The following TGFBR3 variants were observed in gnomAD, a reference collection of about 807,000 sequenced individuals.
TGFBR3 encodes transforming growth factor beta receptor type 3.
A neutral mutation model predicts 87.9 loss-of-function variants in TGFBR3; 46 were observed. That is an observed-to-expected ratio of 0.52 (90% CI 0.41 to 0.67). The LOEUF (loss-of-function observed/expected upper bound fraction) is 0.67, where lower values mean the gene tolerates loss of function less well. Among genes scored for constraint, TGFBR3 ranks in the 30% least tolerant of loss-of-function variants. The probability of loss-of-function intolerance (pLI) is 0.00; values close to 1 mark genes in which losing one functional copy is unlikely to be tolerated. For missense variants in TGFBR3, 866 were observed against 1,041.9 expected (o/e 0.83, Z 2.32); for synonymous variants, 381 against 391.6 (o/e 0.97, Z 0.32).
intron 7 of TGFBR3, among the ~76,000 whole-genome samples, chr1:91,726,230 G>C (rs1432008961): frequency 3.3e-5 from 5 of 152,136 alleles, no homozygotes; most frequent in Non-Finnish European, 7.4e-5. Flanking sequence ...GAAGGGTCAA[G>C]GCTGAAAGAA....
chr1:91,901,899 G>GAGCAACAA (rs747532513), intron 1 of TGFBR3, among the ~76,000 whole-genome samples: 17 of 147,270 alleles, frequency 1.2e-4, no homozygotes, highest in Non-Finnish European at 2.4e-4. Flanking sequence ...CTGGGCAACA[G>GAGCAACAA]AGCAACAAAG....
chr1:91,900,994 G>A (rs1679704611), intron 1 of TGFBR3, among the ~76,000 whole-genome samples: 1 of 152,184 alleles, frequency 6.6e-6, no homozygotes, highest in African/African-American at 2.4e-5. Flanking sequence ...TGGAATACCT[G>A]GGACTATAGG....
At chr1:91,770,030 G>T (rs1425856338) in intron 3 of TGFBR3, among the ~76,000 whole-genome samples, 5 of 152,168 alleles carry the variant, frequency 3.3e-5, no homozygotes, top group Non-Finnish European at 5.9e-5. Flanking sequence ...GTTCTGTTAT[G>T]AAAGATGCGC....
chr1:91,846,894 A>G (rs1012357447), intron 2 of TGFBR3, among the ~76,000 whole-genome samples: 2 of 152,148 alleles, frequency 1.3e-5, no homozygotes, highest in Non-Finnish European at 2.9e-5. Context: ...ACAGCAACAT[A>G]AACACATTTT....
At chr1:91,888,008 G>T (rs922165057), upstream of TGFBR3, among the ~76,000 whole-genome samples, 8 of 152,260 alleles carry the variant, frequency 5.3e-5, no homozygotes, top group Admixed American at 1.3e-4. Context: ...ATCTCGAATT[G>T]TAAGTCCCAC....
chr1:91,865,531 C>T (rs1003100280), intron 1 of TGFBR3, among the ~76,000 whole-genome samples: 1 of 152,188 alleles, frequency 6.6e-6, no homozygotes, highest in Admixed American at 6.5e-5. Context: ...ATTTTCCCCA[C>T]ATTTCAAAGC....
intron 1 of TGFBR3, among the ~76,000 whole-genome samples, chr1:91,903,324 G>A (rs1175285866): frequency 9.8e-6 from 1 of 102,240 alleles, no homozygotes; most frequent in Admixed American, 1.5e-4. Flanking sequence ...GGGAGACAGA[G>A]TGAGATTCTG....
intron 2 of TGFBR3, among the ~76,000 whole-genome samples, chr1:91,895,513 G>A (rs1679535594): frequency 6.6e-6 from 1 of 152,036 alleles, no homozygotes; most frequent in Non-Finnish European, 1.5e-5. Flanking sequence ...GAGAGATGGG[G>A]TCTCACTACA....
intron 5 of TGFBR3, among the ~76,000 whole-genome samples, chr1:91,732,107 G>A (rs1431789807): frequency 2.0e-5 from 3 of 152,166 alleles, no homozygotes; most frequent in African/African-American, 7.2e-5. Context: ...GGGAAAGATT[G>A]ACAAATGACT....
intron 4 of TGFBR3, among the ~76,000 whole-genome samples, chr1:91,756,391 C>T (rs925610287): frequency 6.6e-6 from 1 of 152,178 alleles, no homozygotes; most frequent in African/African-American, 2.4e-5. Context: ...TTTAGCATAA[C>T]AGCTTGTAGA....
chr1:91,757,235 T>C (rs933410354), intron 4 of TGFBR3, among the ~76,000 whole-genome samples: 1 of 152,004 alleles, frequency 6.6e-6, no homozygotes, highest in African/African-American at 2.4e-5. Context: ...TTCAATTTGG[T>C]TTTGTCAGCG....
chr1:91,761,720 AGAATTCCTG>A (rs532694147), intron 3 of TGFBR3, among the ~76,000 whole-genome samples: 22 of 152,266 alleles, frequency 1.4e-4, no homozygotes, highest in African/African-American at 5.1e-4. Flanking sequence ...AATATCTCAA[AGAATTCCTG>A]GCTAAGTTGC....
intron 2 of TGFBR3, among the ~76,000 whole-genome samples, chr1:91,809,904 G>A (rs1245351272): frequency 1.3e-5 from 2 of 152,112 alleles, no homozygotes; most frequent in African/African-American, 4.8e-5. Context: ...AAGCTAAAAG[G>A]CTCTGAGAAG....
intron 1 of TGFBR3, among the ~76,000 whole-genome samples, chr1:91,883,479 T>C (rs1679178815): frequency 6.6e-6 from 1 of 152,184 alleles, no homozygotes; most frequent in Non-Finnish European, 1.5e-5. Flanking sequence ...AGCAACTTAG[T>C]TATTTTGCTA....
intron 2 of TGFBR3, among the ~76,000 whole-genome samples, chr1:91,828,164 G>A (rs12132114): frequency 0.22 from 33,707 of 151,952 alleles, 3,857 homozygotes; most frequent in East Asian, 0.36. Context: ...CGTCATGATC[G>A]CTATAGAATA....
intron 1 of TGFBR3, among the ~76,000 whole-genome samples, chr1:91,868,689 T>C (rs969596082): frequency 1.3e-5 from 2 of 152,194 alleles, no homozygotes; most frequent in Non-Finnish European, 2.9e-5. Flanking sequence ...AAAGCTGTAA[T>C]TATTCGAGCA....
At chr1:91,805,888 T>C (rs1203990061) in intron 2 of TGFBR3, among the ~76,000 whole-genome samples, 1 of 152,236 alleles carries the variant, frequency 6.6e-6, no homozygotes, top group Non-Finnish European at 1.5e-5. Context: ...GAAGTGGCAA[T>C]AGGGGATTTG....
chr1:91,728,853 T>G lies in TGFBR3; in HGVS notation c.737+952A>C, dbSNP rs79201193. ...AAAGGAAGGAGGGTGAAATGCAGGC[T>G]CATGTGGGAAAAGAACCTACTTTTT... is the stretch of plus-strand genomic sequence containing the variant. On this transcript the variant is annotated intron_variant, in intron 6 of 16. Transcript: ENST00000212355. Among the ~76,000 whole-genome samples, 11 of 152,302 alleles carry G rather than the reference T, an allele frequency of 7.2e-5. No homozygotes were observed. In the East Asian group the frequency reaches 2.1e-3, roughly 29 times the overall value.
chr1:91,695,521 G>A (rs530971688), intron 16 of TGFBR3, 151 bp downstream of exon 16: 45 of 752,128 alleles, frequency 6.0e-5, no homozygotes, highest in Middle Eastern at 5.0e-4. Context: ...ATACTTTTGT[G>A]AAACCCAATT....
Sources: gnomAD v4.1 joint callset for allele counts (sites outside exome capture counted in the v4.1 genomes callset) on GRCh38, gnomAD v4.1.1 for gene constraint, MANE v1.5 for transcripts, NCBI Gene and HGNC (gene_info 2026-07-23, HGNC 2026-07-21) for gene names.